The following MYO10 variants were observed in gnomAD, a reference collection of about 807,000 sequenced individuals.
The protein encoded by MYO10 is unconventional myosin-X.
MYO10 carries 133 observed loss-of-function variants against 257.3 expected under a neutral mutation model. The ratio of observed to expected loss-of-function variants is 0.52; its 90% confidence interval spans 0.45 to 0.60. The LOEUF is 0.60. MYO10 is among the 20% of genes least tolerant of loss of function. The probability of loss-of-function intolerance (pLI) is 0.00; values close to 1 mark genes in which losing one functional copy is unlikely to be tolerated. For synonymous variants in MYO10, 1,104 were observed against 1,028.6 expected, an observed-to-expected ratio of 1.07 and a Z score of -1.40; for missense variants, 2,399 against 2,635.7, an observed-to-expected ratio of 0.91 and a Z score of 1.97.
intron 19 of MYO10, among the ~76,000 whole-genome samples, chr5:16,733,535 G>A (rs558478304): frequency 1.5e-4 from 23 of 152,082 alleles, no homozygotes; most frequent in Non-Finnish European, 3.4e-4. Flanking sequence ...GCAAGTCCTC[G>A]GTAAATTCTG....
intron 2 of MYO10, among the ~76,000 whole-genome samples, chr5:16,821,114 A>C (rs1742791713): frequency 6.8e-6 from 1 of 147,486 alleles, no homozygotes; most frequent in South Asian, 2.1e-4. Context: ...TAATATATAA[A>C]ATGTTTTGTA....
At chr5:16,918,137 C>G (rs986057206) in intron 1 of MYO10, among the ~76,000 whole-genome samples, 9 of 152,052 alleles carry the variant, frequency 5.9e-5, no homozygotes, top group African/African-American at 2.2e-4. Context: ...AGTCAATTTC[C>G]AAAATAGTTT....
chr5:16,806,460 G>A (rs1271011555), intron 3 of MYO10, among the ~76,000 whole-genome samples: 1 of 150,804 alleles, frequency 6.6e-6, no homozygotes, highest in Non-Finnish European at 1.5e-5. Context: ...CGTTAACACG[G>A]TGAAACCCCA....
chr5:16,763,501 AT>A lies in MYO10; in HGVS notation c.1473del (p.Glu491AspfsTer5). Reference protein sequence around the residue: ...WEDIDWIDNGECLDLIEKKLG... With the variant: ...WEDIDWIDNGXCLDLIEKKLG... ...ATTACCTTCTCAATCAAGTCCAGGC[AT>A]TCTCCATTGTCTATCCAGTCAATAT... On this transcript the variant is annotated frameshift_variant, in exon 14 of 41. Transcript: ENST00000513610. LOFTEE classifies it high-confidence loss of function. 6.2e-7 allele frequency: 1 copy of A among 1,612,444 alleles called. No homozygotes were observed. The highest frequency in any genetic ancestry group is 8.5e-7 in the Non-Finnish European group (1 of 1,178,508).
chr5:16,772,206 C>T (rs1741074030), intron 9 of MYO10, among the ~76,000 whole-genome samples: 1 of 151,276 alleles, frequency 6.6e-6, no homozygotes, highest in South Asian at 2.1e-4. Flanking sequence ...GATCTCGGCT[C>T]ACTACAACCT....
intron 2 of MYO10, among the ~76,000 whole-genome samples, chr5:16,821,124 ATATG>A (rs1742792042): frequency 1.4e-5 from 2 of 147,352 alleles, no homozygotes; most frequent in Non-Finnish European, 3.0e-5. Context: ...AATGTTTTGT[ATATG>A]TATGTATATG....
intron 2 of MYO10, among the ~76,000 whole-genome samples, chr5:16,844,953 C>T (rs6884213): frequency 7.6e-6 from 1 of 131,082 alleles, no homozygotes; most frequent in Non-Finnish European, 1.6e-5. Flanking sequence ...CACACACACA[C>T]GCACACACAC....
At position 16,666,372 on chromosome 5, in the gene MYO10, T is replaced by G; in HGVS notation, c.*320A>C. Reference sequence around the variant, plus strand: ...CCTTCAGTAGCACAGTTACGGTCGATTAGTGTTGGTTCCACAAGTTAAGGC... The same window carrying G: ...CCTTCAGTAGCACAGTTACGGTCGAGTAGTGTTGGTTCCACAAGTTAAGGC... On this transcript the variant is annotated 3_prime_UTR_variant, in exon 41 of 41. Transcript: ENST00000513610. 170 of 256,720 alleles carry G rather than the reference T, an allele frequency of 6.6e-4. No homozygotes were observed. Among genetic ancestry groups the G allele is most frequent in the East Asian group, 1.2e-3 (16 of 13,072 alleles). The allele number at this position is 256,720 out of a possible 1,614,324, so 15.9% of individuals were successfully genotyped here. A position where few individuals can be genotyped will look rare whatever the true frequency, so the allele number is the denominator to read the frequency against.
intron 1 of MYO10, among the ~76,000 whole-genome samples, chr5:16,894,376 T>C (rs1745162058): frequency 6.6e-6 from 1 of 152,214 alleles, no homozygotes; most frequent in African/African-American, 2.4e-5. Context: ...ATAGTGGTTT[T>C]TGATAATGGC....
chr5:16,817,286 C>A (rs530761905), intron 3 of MYO10, among the ~76,000 whole-genome samples: 2 of 152,066 alleles, frequency 1.3e-5, no homozygotes, highest in Admixed American at 6.6e-5. Flanking sequence ...TAACCAGTTG[C>A]CTTTAGTTTC....
intron 1 of MYO10, among the ~76,000 whole-genome samples, chr5:16,883,960 G>C (rs73754026): frequency 1.3e-5 from 2 of 152,106 alleles, no homozygotes; most frequent in Non-Finnish European, 2.9e-5. Flanking sequence ...TCTCAGCCCC[G>C]GAACAGGGCA....
chr5:16,702,838 C>T, intron 23 of MYO10, 87 bp downstream of exon 23: 2 of 1,250,604 alleles, frequency 1.6e-6, no homozygotes, highest in Non-Finnish European at 2.2e-6. Flanking sequence ...GGGGCATCTG[C>T]TGGGATTTCT....
At chr5:16,912,265 T>C (rs753737061) in intron 1 of MYO10, among the ~76,000 whole-genome samples, 10 of 152,300 alleles carry the variant, frequency 6.6e-5, no homozygotes, top group Non-Finnish European at 1.5e-4. Context: ...GTCAACATTT[T>C]GCAAATTGCA....
chr5:16,735,108 A>G (rs1561216526), intron 19 of MYO10, among the ~76,000 whole-genome samples: 1 of 152,226 alleles, frequency 6.6e-6, no homozygotes, highest in East Asian at 1.9e-4. Flanking sequence ...CTCCCAGGAC[A>G]GCCTCATCCA....
chr5:16,800,999 G>T (rs916651232), intron 3 of MYO10, among the ~76,000 whole-genome samples: 21 of 152,120 alleles, frequency 1.4e-4, no homozygotes, highest in Admixed American at 9.8e-4. Flanking sequence ...ACCTTTTAAG[G>T]TAAGTAATAA....
rs147158284 is a variant in MYO10, at chr5:16,696,172, T to G, written c.3557-1558A>C. On this transcript the variant is annotated intron_variant, in intron 26 of 40. Transcript: ENST00000513610. ...TTTAATCTAATTGATTAATTAGATT[T>G]ATTTATTTATTTATTGATAGCACTC... is the stretch of plus-strand genomic sequence containing the variant. 2.2e-4 allele frequency among the ~76,000 whole-genome samples: 34 copies of G among 152,242 alleles called. No homozygotes were observed. The East Asian group carries it at 6.6e-3, about 29-fold the overall frequency.
intron 4 of MYO10, among the ~76,000 whole-genome samples, chr5:16,787,898 A>C (rs1741636814): frequency 6.6e-6 from 1 of 152,136 alleles, no homozygotes; most frequent in Non-Finnish European, 1.5e-5. Flanking sequence ...CCCCAGGTTC[A>C]AGCGATTCTC....
intron 2 of MYO10, among the ~76,000 whole-genome samples, chr5:16,830,210 T>C (rs912768402): frequency 5.9e-5 from 9 of 151,298 alleles, no homozygotes; most frequent in Non-Finnish European, 1.3e-4. Context: ...CACTCCAGCC[T>C]GGGCGACAGA....
intron 19 of MYO10, among the ~76,000 whole-genome samples, chr5:16,734,662 G>A (rs955039290): frequency 7.9e-5 from 12 of 152,042 alleles, no homozygotes; most frequent in African/African-American, 1.7e-4. Context: ...AAAATTAGCC[G>A]GACGTGGTGG....
Sources: gnomAD v4.1 joint callset for allele counts (sites outside exome capture counted in the v4.1 genomes callset) on GRCh38, gnomAD v4.1.1 for gene constraint, MANE v1.5 for transcripts, NCBI Gene and HGNC (gene_info 2026-07-23, HGNC 2026-07-21) for gene names.